Variants in CLIC5 observed in about 807,000 individuals in gnomAD.
CLIC5 encodes the protein chloride intracellular channel protein 5.
CLIC5 carries 20 observed loss-of-function variants against 24.7 expected under a neutral mutation model. The observed-to-expected ratio is 0.81, with a 90% CI of 0.57 to 1.18. The LOEUF (loss-of-function observed/expected upper bound fraction) is 1.18. CLIC5 is among the 50% of genes most tolerant of loss of function. CLIC5 has a pLI of 0.00. For missense variants in CLIC5, 341 were observed against 326.1 expected (o/e 1.05, Z -0.35); for synonymous variants, 159 against 135.6 (o/e 1.17, Z -1.20).
chr6:46,124,954 T>C, the CLIC5 span, among the ~76,000 whole-genome samples: 20,210 of 152,202 alleles, frequency 0.13, 1,804 homozygotes, highest in South Asian at 0.32. Flanking sequence ...TGTGGAGGAA[T>C]AGGAACACTT....
At chr6:45,971,710 GA>G (rs1765207253) in intron 1 of CLIC5, among the ~76,000 whole-genome samples, 1 of 152,152 alleles carries the variant, frequency 6.6e-6, no homozygotes, top group Non-Finnish European at 1.5e-5. Flanking sequence ...ACATAATATA[GA>G]AAATTCTGAG....
intron 4 of CLIC5, among the ~76,000 whole-genome samples, chr6:45,933,816 TC>T (rs1763834683): frequency 6.6e-6 from 1 of 152,074 alleles, no homozygotes; most frequent in Admixed American, 6.6e-5. Flanking sequence ...TCCTGAGTCT[TC>T]CAGAGAAGAT....
chr6:45,926,278 C>T (rs913632884), intron 4 of CLIC5, among the ~76,000 whole-genome samples: 3 of 150,570 alleles, frequency 2.0e-5, no homozygotes, highest in Non-Finnish European at 4.4e-5. Flanking sequence ...AATGGAGTCT[C>T]GCTCTGTCAC....
At chr6:46,000,379 G>T (rs1398525590) in intron 1 of CLIC5, among the ~76,000 whole-genome samples, 2 of 152,092 alleles carry the variant, frequency 1.3e-5, no homozygotes, top group Non-Finnish European at 2.9e-5. Context: ...CCACCGTGAG[G>T]GGAGTATCCA....
At chr6:46,027,488 T>C (rs774195067) in intron 1 of CLIC5, among the ~76,000 whole-genome samples, 10 of 152,232 alleles carry the variant, frequency 6.6e-5, no homozygotes, top group Non-Finnish European at 1.2e-4. Context: ...GTAATTATAT[T>C]ATTCAACCTT....
downstream of CLIC5, among the ~76,000 whole-genome samples, chr6:45,896,448 C>G (rs1485299345): frequency 6.6e-6 from 1 of 152,204 alleles, no homozygotes; most frequent in African/African-American, 2.4e-5. Flanking sequence ...CTCAAGGGCA[C>G]ATGGTAATTT....
chr6:45,908,474 T>C (rs960032414), intron 5 of CLIC5, among the ~76,000 whole-genome samples: 9 of 152,210 alleles, frequency 5.9e-5, no homozygotes, highest in African/African-American at 2.2e-4. Flanking sequence ...ATGTTGTGTC[T>C]TTGTTTTCAT....
At chr6:46,026,910 C>T (rs753137848) in intron 1 of CLIC5, among the ~76,000 whole-genome samples, 1 of 152,004 alleles carries the variant, frequency 6.6e-6, no homozygotes, top group South Asian at 2.1e-4. Context: ...GACGAGATAA[C>T]CAGAAGATGA....
rs560748951 is a variant in CLIC5, at chr6:45,893,055, T to C, written c.624-11867A>G. The stretch of plus-strand genomic sequence containing the variant: ...TAGAATTAAATAACCACACGATAGC[T>C]TTTGGGCTCCATGTCTTTTTCGGAT... On this transcript the variant is annotated intron_variant, in intron 6 of 6. Coordinates refer to the CLIC5 transcript ENST00000644324. Among the ~76,000 whole-genome samples the C allele has an allele frequency of 2.6e-4, 40 of 152,336 alleles. 1 individual carries two copies. The South Asian group carries it at 6.4e-3, about 24-fold the overall frequency.
chr6:46,086,169 A>C, the CLIC5 span, among the ~76,000 whole-genome samples: 8 of 152,244 alleles, frequency 5.3e-5, no homozygotes, highest in Admixed American at 6.5e-5. Flanking sequence ...TGACTAGGAA[A>C]GGGAACTCCC....
chr6:45,985,620 C>A (rs1490702145), intron 1 of CLIC5, among the ~76,000 whole-genome samples: 1 of 152,058 alleles, frequency 6.6e-6, no homozygotes, highest in Non-Finnish European at 1.5e-5. Flanking sequence ...TCAAGGGGCT[C>A]CCTGCCCTCT....
chr6:45,897,521 C>G (rs6909217), downstream of CLIC5, among the ~76,000 whole-genome samples: 66,021 of 151,856 alleles, frequency 0.43, 14,566 homozygotes, highest in South Asian at 0.53. Context: ...GGGGTGACCA[C>G]CAGCTGCATC....
intron 1 of CLIC5, among the ~76,000 whole-genome samples, chr6:45,957,518 C>G (rs1764685043): frequency 6.6e-6 from 1 of 152,110 alleles, no homozygotes; most frequent in African/African-American, 2.4e-5. Context: ...GTAACAGGTC[C>G]TCCCCAGGTG....
intron 1 of CLIC5, among the ~76,000 whole-genome samples, chr6:45,973,907 C>T (rs912875899): frequency 1.4e-5 from 2 of 142,184 alleles, no homozygotes; most frequent in Admixed American, 7.2e-5. Flanking sequence ...TCCAGCCTGG[C>T]AACAGAGCAA....
chr6:46,004,806 TG>T (rs1766491719), intron 1 of CLIC5, among the ~76,000 whole-genome samples: 1 of 152,174 alleles, frequency 6.6e-6, no homozygotes, highest in African/African-American at 2.4e-5. Flanking sequence ...CCAGAGCCTG[TG>T]GGGAAGCCCT....
At chr6:45,958,428 A>ATATT (rs1764722799) in intron 1 of CLIC5, among the ~76,000 whole-genome samples, 1 of 59,208 alleles carries the variant, frequency 1.7e-5, no homozygotes, top group African/African-American at 6.9e-5. Flanking sequence ...ACAATTATAT[A>ATATT]TATATATATA....
chr6:46,090,667 G>A, the CLIC5 span, among the ~76,000 whole-genome samples: 1 of 152,166 alleles, frequency 6.6e-6, no homozygotes, highest in Non-Finnish European at 1.5e-5. Context: ...GTCAAATCAA[G>A]CCACTTAACA....
chr6:45,951,783 C>T (rs887298378), intron 2 of CLIC5, among the ~76,000 whole-genome samples: 2 of 151,936 alleles, frequency 1.3e-5, no homozygotes, highest in African/African-American at 4.8e-5. Context: ...AAAAAGTAAA[C>T]AGTGGGAGTA....
chr6:45,941,171 G>A (rs757052155), intron 4 of CLIC5, among the ~76,000 whole-genome samples: 3 of 152,162 alleles, frequency 2.0e-5, no homozygotes, highest in Non-Finnish European at 4.4e-5. Flanking sequence ...GAAGGAAGCG[G>A]GAATATGTTG....
Sources: allele counts gnomAD v4.1 joint callset (sites outside exome capture counted in the v4.1 genomes callset), GRCh38; gene constraint gnomAD v4.1.1; transcripts MANE v1.5; gene names NCBI Gene and HGNC (gene_info 2026-07-23, HGNC 2026-07-21).